Variants in RAI1 observed in about 807,000 individuals in gnomAD.
RAI1 encodes retinoic acid-induced protein 1.
RAI1 carries 9 observed loss-of-function variants against 123.8 expected under a neutral mutation model. The ratio of observed to expected loss-of-function variants is 0.07; its 90% confidence interval spans 0.04 to 0.13. RAI1 has a LOEUF of 0.13. Among genes scored for constraint, RAI1 ranks in the 10% least tolerant of loss-of-function variants. The probability of loss-of-function intolerance (pLI) is 1.00; values close to 1 mark genes in which losing one functional copy is unlikely to be tolerated. For synonymous variants in RAI1, 1,231 were observed against 1,127.3 expected (o/e 1.09, Z -1.84); for missense variants, 2,256 against 2,545.8 (o/e 0.89, Z 2.45).
At chr17:17,747,646 C>G (rs1300086838) in intron 2 of RAI1, among the ~76,000 whole-genome samples, 3 of 152,162 alleles carry the variant, frequency 2.0e-5, no homozygotes, top group Admixed American at 6.5e-5. Flanking sequence ...GGAGTGCCGA[C>G]TGATTGGGTT....
At chr17:17,733,075 G>A (rs1916319873) in intron 2 of RAI1, among the ~76,000 whole-genome samples, 1 of 152,214 alleles carries the variant, frequency 6.6e-6, no homozygotes, top group Non-Finnish European at 1.5e-5. Context: ...CCATGGGACT[G>A]CCACCTTCTG....
chr17:17,744,382 G>A (rs1005897066), intron 2 of RAI1, among the ~76,000 whole-genome samples: 13 of 152,322 alleles, frequency 8.5e-5, no homozygotes, highest in African/African-American at 3.1e-4. Context: ...GAAAGGCAAG[G>A]CCCCACACAG....
At chr17:17,790,158 A>G (rs1203887839) in intron 2 of RAI1, among the ~76,000 whole-genome samples, 1 of 152,120 alleles carries the variant, frequency 6.6e-6, no homozygotes, top group Non-Finnish European at 1.5e-5. Context: ...AGTAATCATA[A>G]TCATAATAAT....
intron 2 of RAI1, among the ~76,000 whole-genome samples, chr17:17,782,463 C>T (rs1598077593): frequency 6.6e-6 from 1 of 151,676 alleles, no homozygotes; most frequent in Non-Finnish European, 1.5e-5. Context: ...TGCGGGGCCG[C>T]GCGCCCGGGC....
intron 2 of RAI1, among the ~76,000 whole-genome samples, chr17:17,773,750 C>T (rs2031245860): frequency 6.6e-6 from 1 of 152,154 alleles, no homozygotes; most frequent in Admixed American, 6.5e-5. Flanking sequence ...GCTGCAGCCC[C>T]TGCCACAGGC....
intron 1 of RAI1, among the ~76,000 whole-genome samples, chr17:17,722,901 T>C (rs762599642): frequency 7.9e-5 from 12 of 151,308 alleles, no homozygotes; most frequent in East Asian, 1.9e-4. Context: ...GCGCTGCCTG[T>C]TGGCGCCTTA....
intron 1 of RAI1, among the ~76,000 whole-genome samples, chr17:17,695,167 C>T (rs1192721879): frequency 6.6e-6 from 1 of 152,316 alleles, no homozygotes; most frequent in Non-Finnish European, 1.5e-5. Context: ...CAGCTGCAGT[C>T]TCTGGGTCTC....
At chr17:17,701,736 A>G (rs1022240245) in intron 1 of RAI1, among the ~76,000 whole-genome samples, 1 of 152,056 alleles carries the variant, frequency 6.6e-6, no homozygotes, top group Non-Finnish European at 1.5e-5. Flanking sequence ...CTGAGACTAC[A>G]AGGTGTGCAC....
chr17:17,792,316 C>CGTGT (rs141444364), intron 2 of RAI1, among the ~76,000 whole-genome samples: 4 of 150,832 alleles, frequency 2.7e-5, no homozygotes, highest in South Asian at 2.1e-4. Flanking sequence ...TGTGTGCATG[C>CGTGT]GTGTGTGTGT....
chr17:17,780,191 G>A (rs1003243965), intron 2 of RAI1, among the ~76,000 whole-genome samples: 6 of 151,310 alleles, frequency 4.0e-5, no homozygotes, highest in Non-Finnish European at 7.4e-5. Flanking sequence ...TCAGCCTCCC[G>A]AGTAGCTGGA....
chr17:17,705,285 C>G (rs964113123), intron 1 of RAI1, among the ~76,000 whole-genome samples: 1 of 152,210 alleles, frequency 6.6e-6, no homozygotes, highest in Non-Finnish European at 1.5e-5. Context: ...CTCATTTTCT[C>G]ACTCATTTGT....
chr17:17,701,862 G>T (rs1915234922), intron 1 of RAI1, among the ~76,000 whole-genome samples: 1 of 152,230 alleles, frequency 6.6e-6, no homozygotes, highest in African/African-American at 2.4e-5. Flanking sequence ...AGGCCACCCA[G>T]CCCTGGTCCT....
At chr17:17,721,119 G>C (rs754982854) in intron 1 of RAI1, among the ~76,000 whole-genome samples, 5 of 152,082 alleles carry the variant, frequency 3.3e-5, no homozygotes, top group Non-Finnish European at 5.9e-5. Context: ...CTCACTGAGC[G>C]ACCTCAGGTG....
At position 17,793,608 on chromosome 17, in the gene RAI1, C is replaced by T. The variant is rs756623054; in HGVS notation, c.660C>T (p.Ser220=). The T allele has an allele frequency of 1.5e-5, 24 of 1,613,482 alleles. No individual in the cohort carries two copies. Among genetic ancestry groups the T allele is most frequent in the Admixed American group, 3.3e-5 (2 of 60,008 alleles). Residue 220 remains serine, a synonymous_variant, in exon 3 of 6, where the codon TCC becomes TCT. Coordinates refer to ENST00000353383, the MANE Select transcript of RAI1 (RefSeq NM_030665.4). ...ATTCCCAGTCCTTCCCCACCTCCTC[C>T]ACCTACTCCTCCTCTGTCCAGGGTG... ...PQHSQSFPTS[S]TYSSSVQGGG...
At chr17:17,755,179 C>T (rs1442571198) in intron 2 of RAI1, among the ~76,000 whole-genome samples, 1 of 152,252 alleles carries the variant, frequency 6.6e-6, no homozygotes, top group African/African-American at 2.4e-5. Flanking sequence ...TGTTTACACA[C>T]TGTCACCCCA....
chr17:17,744,550 T>A (rs1259124573), intron 2 of RAI1, among the ~76,000 whole-genome samples: 1 of 152,074 alleles, frequency 6.6e-6, no homozygotes, highest in East Asian at 1.9e-4. Flanking sequence ...TCCAGCACTT[T>A]GGGAGGCCGA....
chr17:17,716,197 AT>A (rs943568511), intron 1 of RAI1, among the ~76,000 whole-genome samples: 14 of 152,186 alleles, frequency 9.2e-5, no homozygotes, highest in African/African-American at 3.4e-4. Context: ...GCAGAAGCCC[AT>A]GGAGCTCTGA....
Position 17,800,166 on chromosome 17 carries a change from T to TTCTGTCTCTCTCTGTCTCTC in RAI1, c.5565+1657_5565+1676dup, listed in dbSNP as rs1555566531. Among the ~76,000 whole-genome samples the TTCTGTCTCTCTCTGTCTCTC allele has an allele frequency of 4.3e-3, 369 of 86,586 alleles. 12 individuals are homozygous for TTCTGTCTCTCTCTGTCTCTC. Among genetic ancestry groups the TTCTGTCTCTCTCTGTCTCTC allele is most frequent in the Non-Finnish European group, 5.8e-3 (256 of 43,976 alleles). The allele number at this position is 86,586 out of a possible 152,430, so 56.8% of individuals were successfully genotyped here. On this transcript the variant is annotated intron_variant, in intron 3 of 5. Transcript: ENST00000353383. The surrounding 1 kb of genome is among the most constrained non-coding windows in gnomAD (Gnocchi z 4.7). ...AGTGATTTTTTGCCTCTCTCCTGCT[T>TTCTGTCTCTCTCTGTCTCTC]TCTGTCTCTCTCTGTCTCTCTCTCT...
At chr17:17,802,247 C>A in intron 3 of RAI1, 1 of 456,964 alleles carries the variant, frequency 2.2e-6, no homozygotes, top group Non-Finnish European at 4.5e-6. Flanking sequence ...TACATGAAGT[C>A]AGCCATCTCA....
Sources: allele counts gnomAD v4.1 joint callset (sites outside exome capture counted in the v4.1 genomes callset), GRCh38; gene constraint gnomAD v4.1.1; non-coding constraint Gnocchi (gnomAD v3.1); transcripts MANE v1.5; gene names NCBI Gene and HGNC (gene_info 2026-07-23, HGNC 2026-07-21).